GLCE: variants seen among roughly 807,000 people sequenced by gnomAD.
GLCE encodes the protein D-glucuronyl C5-epimerase.
Under a neutral mutation model 47.9 loss-of-function variants are expected in GLCE, and 19 were observed. The ratio of observed to expected loss-of-function variants is 0.40; its 90% confidence interval spans 0.28 to 0.58. The LOEUF is 0.58. Ranked by LOEUF, GLCE falls within the 20% of genes least tolerant of loss-of-function variation. The probability of loss-of-function intolerance (pLI) is 0.48; values close to 1 mark genes in which losing one functional copy is unlikely to be tolerated. For missense variants in GLCE, 556 were observed against 743.3 expected (o/e 0.75, Z 2.93); for synonymous variants, 245 against 263.4 (o/e 0.93, Z 0.68).
intron 2 of GLCE, among the ~76,000 whole-genome samples, chr15:69,233,763 T>C (rs2052556483): frequency 6.6e-6 from 1 of 152,198 alleles, no homozygotes. Flanking sequence ...TTGTATAACA[T>C]CTTAATTTCT....
intron 2 of GLCE, among the ~76,000 whole-genome samples, chr15:69,241,348 A>G (rs754414327): frequency 2.6e-5 from 4 of 152,142 alleles, no homozygotes; most frequent in Non-Finnish European, 4.4e-5. Context: ...CCACCCACCT[A>G]CCCTTCTAAA....
intron 1 of GLCE, among the ~76,000 whole-genome samples, chr15:69,207,976 T>C (rs1263929041): frequency 3.9e-5 from 6 of 152,068 alleles, no homozygotes; most frequent in African/African-American, 1.4e-4. Context: ...GTACTTTTGC[T>C]CATATTTAAA....
chr15:69,228,061 AG>A (rs2052473732), intron 2 of GLCE, among the ~76,000 whole-genome samples: 1 of 152,208 alleles, frequency 6.6e-6, no homozygotes, highest in African/African-American at 2.4e-5. Context: ...AGAGAAAGCT[AG>A]GAGGAAAGTT....
chr15:69,226,143 G>GT (rs1431277419), intron 2 of GLCE, among the ~76,000 whole-genome samples: 1 of 151,900 alleles, frequency 6.6e-6, no homozygotes, highest in Non-Finnish European at 1.5e-5. Context: ...GGATCATGGC[G>GT]TTTTCTGTAA....
intron 2 of GLCE, among the ~76,000 whole-genome samples, chr15:69,222,980 C>T (rs1026375797): frequency 2.0e-5 from 3 of 152,202 alleles, no homozygotes; most frequent in African/African-American, 4.8e-5. Context: ...AAATCCTGCT[C>T]ATCTACAGCT....
chr15:69,224,296 T>C lies in GLCE; in HGVS notation c.-14+13890T>C, dbSNP rs76548006. On this transcript the variant is annotated intron_variant, in intron 2 of 4. Transcript: ENST00000261858. ...AACAGGGATCAGCCTATGTCAGAGATAGAAATATAAACTTAAGGTCTTCCC... is the reference window on the plus strand; with the variant it reads ...AACAGGGATCAGCCTATGTCAGAGACAGAAATATAAACTTAAGGTCTTCCC... Among the ~76,000 whole-genome samples the C allele has an allele frequency of 6.3e-3, 965 of 152,302 alleles. 10 individuals are homozygous for C. Among genetic ancestry groups the C allele is most frequent in the African/African-American group, 0.022 (923 of 41,568 alleles).
chr15:69,195,551 G>A (rs1239416396), intron 1 of GLCE, among the ~76,000 whole-genome samples: 2 of 151,990 alleles, frequency 1.3e-5, no homozygotes, highest in African/African-American at 4.8e-5. Context: ...TATTGTATGT[G>A]GATTGTCTAC....
chr15:69,268,177 C>G (rs1397595647), intron 4 of GLCE, 43 bp from the exon 5 acceptor site: 2 of 1,292,726 alleles, frequency 1.5e-6, no homozygotes, highest in Non-Finnish European at 2.1e-6. Flanking sequence ...TACAAAAGTG[C>G]TTTTATTCTA....
At chr15:69,202,245 G>A (rs2052086226) in intron 1 of GLCE, among the ~76,000 whole-genome samples, 1 of 151,648 alleles carries the variant, frequency 6.6e-6, no homozygotes, top group Non-Finnish European at 1.5e-5. Context: ...AAATTCAACA[G>A]TCAGAGAGTA....
At chr15:69,210,021 C>CCT (rs2052209224) in intron 1 of GLCE, among the ~76,000 whole-genome samples, 1 of 152,062 alleles carries the variant, frequency 6.6e-6, no homozygotes, top group Admixed American at 6.6e-5. Flanking sequence ...GACCCCTTTC[C>CCT]CTCTCTCAAG....
chr15:69,204,277 C>CTTTTTTT (rs57376738), intron 1 of GLCE, among the ~76,000 whole-genome samples: 2 of 88,352 alleles, frequency 2.3e-5, no homozygotes, highest in Admixed American at 1.5e-4. Context: ...GATTGTTTTA[C>CTTTTTTT]TTTTTTTTTT....
chr15:69,176,457 C>G (rs1304745637), intron 1 of GLCE, among the ~76,000 whole-genome samples: 1 of 151,944 alleles, frequency 6.6e-6, no homozygotes, highest in African/African-American at 2.4e-5. Context: ...CTCCTGACCT[C>G]AGATGATCTG....
At chr15:69,193,872 A>G (rs1448724414) in intron 1 of GLCE, among the ~76,000 whole-genome samples, 1 of 152,132 alleles carries the variant, frequency 6.6e-6, no homozygotes, top group Non-Finnish European at 1.5e-5. Flanking sequence ...ACTAGATCAC[A>G]TATTGCCTTT....
intron 1 of GLCE, among the ~76,000 whole-genome samples, chr15:69,206,104 A>G (rs564856260): frequency 6.6e-5 from 10 of 152,218 alleles, no homozygotes; most frequent in African/African-American, 2.2e-4. Flanking sequence ...TAAATCTCCT[A>G]TAGTCTATGA....
At chr15:69,224,877 T>G (rs1372516801) in intron 2 of GLCE, among the ~76,000 whole-genome samples, 2 of 152,240 alleles carry the variant, frequency 1.3e-5, no homozygotes, top group Non-Finnish European at 2.9e-5. Context: ...GCAGTTGTTG[T>G]CTAAGTTGGG....
intron 2 of GLCE, among the ~76,000 whole-genome samples, chr15:69,217,658 G>A (rs1294923596): frequency 6.6e-6 from 1 of 152,096 alleles, no homozygotes; most frequent in Non-Finnish European, 1.5e-5. Context: ...GTTGAAATCA[G>A]CACTTCTGAA....
rs779910505 is a variant in GLCE at position 69,256,163 on chromosome 15, G to C, written c.357G>C (p.Gly119=). The part of the protein sequence containing the change: ...CLINDEHTIK[G]RREGNEVFLP... ...TAAATGATGAACACACAATTAAAGG[G>C]AGACGAGAGGGGAACGAAGTCTTTC... The change falls in exon 3 of 5, where the codon GGG becomes GGC. Residue 119 remains glycine, a synonymous_variant. Transcript: ENST00000261858. 6.2e-7 allele frequency: 1 copy of C among 1,614,024 alleles called. No individual in the cohort carries two copies. Among genetic ancestry groups the C allele is most frequent in the Non-Finnish European group, 8.5e-7 (1 of 1,179,928 alleles).
At chr15:69,235,711 TTTAA>T (rs1354011346) in intron 2 of GLCE, among the ~76,000 whole-genome samples, 2 of 152,202 alleles carry the variant, frequency 1.3e-5, no homozygotes, top group Non-Finnish European at 2.9e-5. Context: ...GTATGACCTA[TTTAA>T]TTAGTTTCTT....
chr15:69,208,853 C>G (rs1397425646), intron 1 of GLCE, among the ~76,000 whole-genome samples: 10 of 151,978 alleles, frequency 6.6e-5, no homozygotes, highest in Non-Finnish European at 5.9e-5. Context: ...TATGTTTATG[C>G]TCAAGTATTT....
Sources: gnomAD v4.1 joint callset for allele counts (sites outside exome capture counted in the v4.1 genomes callset) on GRCh38, gnomAD v4.1.1 for gene constraint, MANE v1.5 for transcripts, NCBI Gene and HGNC (gene_info 2026-07-23, HGNC 2026-07-21) for gene names.